Variants in SYNPO2 observed in about 807,000 individuals in gnomAD.
SYNPO2 encodes synaptopodin-2.
SYNPO2 carries 56 observed loss-of-function variants against 85.0 expected under a neutral mutation model. The observed-to-expected ratio is 0.66, with a 90% CI of 0.53 to 0.82. The LOEUF (loss-of-function observed/expected upper bound fraction) is 0.82, where lower values mean the gene tolerates loss of function less well. SYNPO2 is among the 40% of genes least tolerant of loss of function. The pLI is 0.00. For missense variants in SYNPO2, 1,575 were observed against 1,534.2 expected (o/e 1.03, Z -0.44); for synonymous variants, 602 against 591.1 (o/e 1.02, Z -0.27).
chr4:119,036,460 A>T lies in SYNPO2; in HGVS notation c.3252+4433A>T, dbSNP rs1203703387. ...GGTGTTGCCGAGTTAGTCAACAATT[A>T]TTCTGGGAAAAAGCAGAATTGAATT... On this transcript the variant is annotated intron_variant, in intron 4 of 4. Coordinates refer to ENST00000307142, the MANE Select transcript of SYNPO2 (RefSeq NM_133477.3). The T allele has an allele frequency of 5.1e-6, 5 of 985,330 alleles. No homozygotes were observed. In the African/African-American group the frequency reaches 8.7e-5, roughly 17 times the overall value. 61.0% of individuals were successfully genotyped at this position (985,330 alleles called of 1,614,324 possible). A position where few individuals can be genotyped will look rare whatever the true frequency, so the allele number is the denominator to read the frequency against.
intron 4 of SYNPO2, among the ~76,000 whole-genome samples, chr4:119,055,404 C>T (rs561871152): frequency 2.0e-5 from 3 of 152,328 alleles, no homozygotes; most frequent in Admixed American, 1.3e-4. Flanking sequence ...ATCCATCTGC[C>T]TCAGCCTCCC....
intron 1 of SYNPO2, among the ~76,000 whole-genome samples, chr4:118,915,422 G>A (rs1467763069): frequency 6.6e-6 from 1 of 152,004 alleles, no homozygotes; most frequent in Admixed American, 6.6e-5. Context: ...GTTGGTTTTA[G>A]CTTTTTTAAA....
chr4:119,028,225 T>TG (rs1354930172), intron 3 of SYNPO2, among the ~76,000 whole-genome samples: 46 of 148,702 alleles, frequency 3.1e-4, no homozygotes, highest in African/African-American at 1.1e-3. Flanking sequence ...TTTGTTTGTT[T>TG]TTTTTTTTTT....
chr4:119,016,413 A>G (rs1285066439), intron 1 of SYNPO2, among the ~76,000 whole-genome samples: 1 of 90,388 alleles, frequency 1.1e-5, no homozygotes, highest in East Asian at 3.4e-4. Context: ...GCAAGACTCC[A>G]TTTCAAAAAA....
chr4:118,929,647 C>A (rs922858830), intron 1 of SYNPO2, among the ~76,000 whole-genome samples: 5 of 151,906 alleles, frequency 3.3e-5, no homozygotes, highest in Admixed American at 2.0e-4. Flanking sequence ...CAAATAGAGT[C>A]GCTCAATTAT....
intron 1 of SYNPO2, among the ~76,000 whole-genome samples, chr4:118,908,970 GC>G (rs980353323): frequency 6.6e-6 from 1 of 151,994 alleles, no homozygotes; most frequent in East Asian, 1.9e-4. Flanking sequence ...AAAAGATTGG[GC>G]CCCCGTAACA....
intron 1 of SYNPO2, among the ~76,000 whole-genome samples, chr4:118,930,382 C>G (rs1342379929): frequency 2.6e-5 from 4 of 152,156 alleles, no homozygotes; most frequent in Non-Finnish European, 4.4e-5. Flanking sequence ...CCTTCCCACC[C>G]TTACTTAAAC....
In SYNPO2 at chr4:119,057,727, A is replaced by G; in HGVS notation, c.3579A>G (p.Ser1193=). 2.5e-6 allele frequency: 4 copies of G among 1,614,186 alleles called. No homozygotes were observed. Among genetic ancestry groups the G allele is most frequent in the Non-Finnish European group, 3.4e-6 (4 of 1,180,014 alleles). The stretch of plus-strand genomic sequence containing the variant: ...AAACCCAGAAGGCCTATATGGGCTC[A>G]TGTGGAAGGCAAGAGTATAATGTCA... ...IPQTQKAYMG[S]CGRQEYNVTA... The change falls in exon 5 of 5, where the codon TCA becomes TCG. Residue 1193 remains serine (S), a synonymous_variant. Transcript: ENST00000307142.
At chr4:118,990,329 G>T (rs971159627) in intron 1 of SYNPO2, among the ~76,000 whole-genome samples, 1 of 152,180 alleles carries the variant, frequency 6.6e-6, no homozygotes, top group African/African-American at 2.4e-5. Flanking sequence ...CAAGAGCAAT[G>T]GCTGCCTGAG....
chr4:118,886,496 T>C (rs543688090), upstream of SYNPO2, among the ~76,000 whole-genome samples: 1 of 152,330 alleles, frequency 6.6e-6, no homozygotes, highest in Non-Finnish European at 1.5e-5. Context: ...AGTGAGAACA[T>C]GTGGTGTTTG....
At chr4:119,033,995 A>G (rs962580548) in intron 4 of SYNPO2, 3 of 985,350 alleles carry the variant, frequency 3.0e-6, no homozygotes, top group South Asian at 4.7e-5. Flanking sequence ...AAATTTACCT[A>G]GAGGTTACAA....
chr4:118,930,055 G>A (rs1238046891), intron 1 of SYNPO2, among the ~76,000 whole-genome samples: 2 of 152,114 alleles, frequency 1.3e-5, no homozygotes, highest in African/African-American at 4.8e-5. Flanking sequence ...ATAATCTGCT[G>A]TTTAAATAAC....
chr4:118,969,085 CATT>C (rs1171564798), intron 1 of SYNPO2, among the ~76,000 whole-genome samples: 3 of 152,160 alleles, frequency 2.0e-5, no homozygotes, highest in African/African-American at 7.2e-5. Context: ...GGACACGAAT[CATT>C]AGTTAACCTC....
chr4:119,030,974 A>C lies in SYNPO2; in HGVS notation c.2199A>C (p.Glu733Asp), dbSNP rs1283817917. The C allele has an allele frequency of 6.2e-7, 1 of 1,614,158 alleles. No individual in the cohort carries two copies. The highest frequency in any genetic ancestry group is 8.5e-7 in the Non-Finnish European group (1 of 1,180,018). The part of the protein sequence containing the change: ...TGAGGDSGPE[E>D]DYLSLGAEAC... The stretch of plus-strand genomic sequence containing the variant: ...CTGGAGGTGATTCCGGACCGGAAGA[A>C]GACTACCTCAGCTTGGGGGCAGAGG... Residue 733 changes from glutamate (E) to aspartate (D), a missense_variant, in exon 4 of 5, where the codon GAA becomes GAC. Around this residue, in one of 3 missense-constraint regions of SYNPO2, gnomAD observed 1,508 missense variants for 1,446.8 expected, o/e 1.04. Coordinates refer to ENST00000307142, the MANE Select transcript of SYNPO2 (RefSeq NM_133477.3).
chr4:118,943,876 A>G (rs1274864141), intron 1 of SYNPO2, among the ~76,000 whole-genome samples: 2 of 152,178 alleles, frequency 1.3e-5, no homozygotes, highest in Non-Finnish European at 2.9e-5. Context: ...CTGTTTCAGG[A>G]GGAACACTCA....
chr4:119,016,433 T>A (rs1056402039), intron 1 of SYNPO2, among the ~76,000 whole-genome samples: 1 of 137,410 alleles, frequency 7.3e-6, no homozygotes, highest in East Asian at 2.1e-4. Flanking sequence ...AAAAAAAAAA[T>A]CAACTAAAAT....
In SYNPO2 at chr4:119,030,209, G is replaced by C; in HGVS notation, c.1434G>C (p.Gly478=). ...LVDIEKKLNR[G]DKMEMLPDTT... is the part of the protein sequence containing the mutation. Reference sequence around the variant, plus strand: ...ACATTGAAAAGAAACTGAACAGAGGGGACAAGATGGAGATGTTACCAGACA... The same window carrying C: ...ACATTGAAAAGAAACTGAACAGAGGCGACAAGATGGAGATGTTACCAGACA... The change falls in exon 4 of 5, where the codon GGG becomes GGC. Residue 478 remains glycine, a synonymous_variant. Transcript: ENST00000307142. The C allele has an allele frequency of 6.2e-7, 1 of 1,613,970 alleles. No individual in the cohort carries two copies. The highest frequency in any genetic ancestry group is 8.5e-7 in the Non-Finnish European group (1 of 1,179,986).
At position 118,976,170 on chromosome 4, in the gene SYNPO2, G is replaced by T. The variant is rs535483270; in HGVS notation, c.106-47260G>T. Among the ~76,000 whole-genome samples the T allele has an allele frequency of 5.9e-5, 9 of 152,096 alleles. No individual in the cohort carries two copies. In the South Asian group the frequency reaches 1.7e-3, roughly 28 times the overall value. Reference sequence around the variant, plus strand: ...TTACAGCTCTTAAGTTGGCACGTCTGGAGTCTGTCCCTTCTGATGTTCAGA... The same window carrying T: ...TTACAGCTCTTAAGTTGGCACGTCTTGAGTCTGTCCCTTCTGATGTTCAGA... On this transcript the variant is annotated intron_variant, in intron 1 of 4. Transcript: ENST00000307142.
chr4:118,884,386 G>A (rs948381308), upstream of SYNPO2, among the ~76,000 whole-genome samples: 1 of 152,176 alleles, frequency 6.6e-6, no homozygotes, highest in African/African-American at 2.4e-5. Context: ...TTGCCCTGAC[G>A]GCAATCCAGA....
Sources: allele counts gnomAD v4.1 joint callset (sites outside exome capture counted in the v4.1 genomes callset), GRCh38; gene constraint gnomAD v4.1.1; regional missense constraint gnomAD v4.1.1; transcripts MANE v1.5; gene names NCBI Gene and HGNC (gene_info 2026-07-23, HGNC 2026-07-21).